The following ELMO1 variants were observed in gnomAD, a reference collection of about 807,000 sequenced individuals.
ELMO1 encodes engulfment and cell motility 1.
A neutral mutation model predicts 98.9 loss-of-function variants in ELMO1; 26 were observed. That is an observed-to-expected ratio of 0.26 (90% CI 0.19 to 0.36). ELMO1 has a LOEUF of 0.36. Among genes scored for constraint, ELMO1 ranks in the 10% least tolerant of loss-of-function variants. The pLI is 1.00. For synonymous variants in ELMO1, 346 were observed against 346.0 expected, an observed-to-expected ratio of 1.00 and a Z score of 0.00; for missense variants, 627 against 935.2, an observed-to-expected ratio of 0.67 and a Z score of 4.30.
chr7:37,180,861 G>A (rs1000994338), intron 13 of ELMO1, among the ~76,000 whole-genome samples: 7 of 151,520 alleles, frequency 4.6e-5, no homozygotes, highest in African/African-American at 1.7e-4. Context: ...AAGAGAGAAA[G>A]CAAACACCAG....
At chr7:37,161,369 T>G (rs775297150) in intron 13 of ELMO1, among the ~76,000 whole-genome samples, 3 of 152,172 alleles carry the variant, frequency 2.0e-5, no homozygotes, top group Non-Finnish European at 4.4e-5. Context: ...AACATTGTAC[T>G]TAAGGGGCCT....
intron 2 of ELMO1, among the ~76,000 whole-genome samples, chr7:37,341,720 A>C (rs1800733316): frequency 6.6e-6 from 1 of 152,214 alleles, no homozygotes; most frequent in Non-Finnish European, 1.5e-5. Flanking sequence ...AAAAATTGTA[A>C]ATCATAATTG....
chr7:37,116,002 C>T (rs1785562718), intron 14 of ELMO1, among the ~76,000 whole-genome samples: 1 of 152,150 alleles, frequency 6.6e-6, no homozygotes, highest in South Asian at 2.1e-4. Flanking sequence ...TATACGAACC[C>T]TCTGTACTTT....
chr7:36,876,983 G>A (rs899179218), intron 19 of ELMO1, among the ~76,000 whole-genome samples: 1 of 152,210 alleles, frequency 6.6e-6, no homozygotes, highest in Non-Finnish European at 1.5e-5. Flanking sequence ...AAGAGTGAAT[G>A]TTCTAGGCTA....
intron 1 of ELMO1, among the ~76,000 whole-genome samples, chr7:37,374,571 G>T (rs1180718166): frequency 1.3e-5 from 2 of 151,714 alleles, no homozygotes; most frequent in Admixed American, 6.6e-5. Context: ...CTACTATGGC[G>T]AAATTCCATC....
intron 1 of ELMO1, among the ~76,000 whole-genome samples, chr7:37,370,421 G>A (rs1419281901): frequency 6.6e-6 from 1 of 152,048 alleles, no homozygotes; most frequent in Non-Finnish European, 1.5e-5. Context: ...TAATGAACTT[G>A]TTACGTTTTT....
rs73335933 is a variant in ELMO1 at position 36,870,680 on chromosome 7, G to C, written c.1823-205C>G. On this transcript the variant is annotated intron_variant, in intron 19 of 21. Coordinates refer to ENST00000310758, the MANE Select transcript of ELMO1 (RefSeq NM_014800.11). The surrounding 1 kb of genome is among the most constrained non-coding windows in gnomAD (Gnocchi z 4.4). ...AATATATCTTATATTCTGGGAAAAAGCATCCCTGGAGAGAAAGAGCTTGCT... is the reference window on the plus strand; with the variant it reads ...AATATATCTTATATTCTGGGAAAAACCATCCCTGGAGAGAAAGAGCTTGCT... Among the ~76,000 whole-genome samples, 4,799 of 152,244 alleles carry C rather than the reference G, an allele frequency of 0.032. 254 individuals carry two copies. Among genetic ancestry groups the C allele is most frequent in the African/African-American group, 0.11 (4,584 of 41,512 alleles).
At chr7:37,047,276 C>G (rs1483722889) in intron 15 of ELMO1, among the ~76,000 whole-genome samples, 2 of 152,184 alleles carry the variant, frequency 1.3e-5, no homozygotes, top group Non-Finnish European at 2.9e-5. Context: ...TCAGAAATAG[C>G]TCATTAATCG....
rs542734528 is a variant in ELMO1, at chr7:37,341,149, G to A, written c.78+1464C>T. On this transcript the variant is annotated intron_variant, in intron 2 of 21. Transcript: ENST00000310758. Reference sequence around the variant, plus strand: ...TAATGTGCTTTCGGGTGATGCCCAAGCATGTGGTCCAAAGCTCCACAGATT... The same window carrying A: ...TAATGTGCTTTCGGGTGATGCCCAAACATGTGGTCCAAAGCTCCACAGATT... 7.2e-4 allele frequency among the ~76,000 whole-genome samples: 110 copies of A among 152,250 alleles called. 1 individual carries two copies. Among genetic ancestry groups the A allele is most frequent in the African/African-American group, 2.6e-3 (108 of 41,544 alleles).
chr7:37,020,409 T>G (rs1794199583), intron 15 of ELMO1, among the ~76,000 whole-genome samples: 1 of 152,204 alleles, frequency 6.6e-6, no homozygotes, highest in Admixed American at 6.5e-5. Context: ...TTTGATAGGT[T>G]TAGCAAATGT....
intron 14 of ELMO1, among the ~76,000 whole-genome samples, chr7:37,100,151 A>G (rs1210846095): frequency 6.6e-6 from 1 of 152,134 alleles, no homozygotes; most frequent in African/African-American, 2.4e-5. Flanking sequence ...TACCATGAAA[A>G]TCAGTAGGTT....
rs550446786 is a variant in ELMO1 at position 37,207,249 on chromosome 7, A to G, written c.1086+4137T>C. 2.6e-5 allele frequency among the ~76,000 whole-genome samples: 4 copies of G among 152,250 alleles called. No individual in the cohort carries two copies. In the East Asian group the frequency reaches 7.7e-4, roughly 29 times the overall value. ...CCATATGCCCTTCCTTAGAAGCTCC[A>G]CTAAAAATAGCATTATCCCGGCAGG... On this transcript the variant is annotated intron_variant, in intron 13 of 21. Coordinates refer to ENST00000310758, the MANE Select transcript of ELMO1 (RefSeq NM_014800.11).
chr7:37,125,565 T>G (rs149251770), intron 14 of ELMO1, among the ~76,000 whole-genome samples: 81 of 152,164 alleles, frequency 5.3e-4, no homozygotes, highest in Non-Finnish European at 9.1e-4. Context: ...ATCAGAGAAA[T>G]GCAAAGCAAA....
intron 13 of ELMO1, among the ~76,000 whole-genome samples, chr7:37,180,836 A>G (rs1248959342): frequency 6.6e-6 from 1 of 151,958 alleles, no homozygotes. Context: ...ACACACATGC[A>G]CACGCAAACA....
intron 16 of ELMO1, among the ~76,000 whole-genome samples, chr7:36,954,615 T>G (rs1338458430): frequency 6.6e-6 from 1 of 152,186 alleles, no homozygotes; most frequent in African/African-American, 2.4e-5. Context: ...CTGGGGTGCC[T>G]GTCAAAGAGG....
chr7:36,884,096 G>A (rs12701533), intron 18 of ELMO1, among the ~76,000 whole-genome samples: 69,238 of 151,872 alleles, frequency 0.46, 17,296 homozygotes, highest in Non-Finnish European at 0.56. Flanking sequence ...CAAGGCAAGT[G>A]GATCATCTGA....
intron 1 of ELMO1, among the ~76,000 whole-genome samples, chr7:37,422,099 C>G (rs1025281020): frequency 1.3e-5 from 2 of 152,208 alleles, no homozygotes; most frequent in Non-Finnish European, 2.9e-5. Context: ...ATGTTTAGAA[C>G]ATCTGGCTAA....
chr7:37,375,603 C>T, intron 1 of ELMO1: 2 of 1,128,296 alleles, frequency 1.8e-6, no homozygotes, highest in Admixed American at 3.4e-5. Flanking sequence ...GAAGGATGTC[C>T]CCCATGCCTA....
chr7:37,365,318 T>C (rs1801861812), intron 1 of ELMO1, among the ~76,000 whole-genome samples: 1 of 152,158 alleles, frequency 6.6e-6, no homozygotes, highest in South Asian at 2.1e-4. Flanking sequence ...GGGATCCTAC[T>C]GAAGTATGGG....
Sources: gnomAD v4.1 joint callset for allele counts (sites outside exome capture counted in the v4.1 genomes callset) on GRCh38, gnomAD v4.1.1 for gene constraint, Gnocchi (gnomAD v3.1) non-coding constraint, MANE v1.5 for transcripts, NCBI Gene and HGNC (gene_info 2026-07-23, HGNC 2026-07-21) for gene names.